HDAC9: variants seen among roughly 807,000 people sequenced by gnomAD.
HDAC9 encodes the protein MEF-2 interacting transcription repressor (MITR) protein.
Under a neutral mutation model 139.4 loss-of-function variants are expected in HDAC9, and 41 were observed. That is an observed-to-expected ratio of 0.29 (90% CI 0.23 to 0.38). The LOEUF (loss-of-function observed/expected upper bound fraction) is 0.38. Ranked by LOEUF, HDAC9 falls within the 10% of genes least tolerant of loss-of-function variation. The pLI is 1.00. For missense variants in HDAC9, 1,147 were observed against 1,297.0 expected, an observed-to-expected ratio of 0.88 and a Z score of 1.78; for synonymous variants, 517 against 476.2, an observed-to-expected ratio of 1.09 and a Z score of -1.12.
In HDAC9 at chr7:18,641,212, A is replaced by C. The variant is rs560407916; in HGVS notation, c.913-3459A>C. ...AGTCCATGTGTTTTGTATTCATTTGAATTACAAATATTATTTATGAGATGC... is the reference window on the plus strand; with the variant it reads ...AGTCCATGTGTTTTGTATTCATTTGCATTACAAATATTATTTATGAGATGC... On this transcript the variant is annotated intron_variant, in intron 8 of 25. Coordinates refer to ENST00000686413, the MANE Select transcript of HDAC9 (RefSeq NM_178425.4). Among the ~76,000 whole-genome samples the C allele has an allele frequency of 2.6e-5, 4 of 152,200 alleles. No homozygotes were observed. The South Asian group carries it at 8.3e-4, about 32-fold the overall frequency.
chr7:18,499,582 T>G (rs1431490927), intron 2 of HDAC9, among the ~76,000 whole-genome samples: 1 of 152,132 alleles, frequency 6.6e-6, no homozygotes, highest in African/African-American at 2.4e-5. Flanking sequence ...CAGGTCACTC[T>G]GCAGGAGCTG....
chr7:18,820,038 A>C (rs897327779), intron 17 of HDAC9, among the ~76,000 whole-genome samples: 27 of 152,198 alleles, frequency 1.8e-4, no homozygotes, highest in African/African-American at 6.3e-4. Flanking sequence ...AGATGCTCAT[A>C]AGTTTAAAAA....
intron 2 of HDAC9, among the ~76,000 whole-genome samples, chr7:18,189,242 A>G (rs1337139595): frequency 2.0e-5 from 3 of 152,054 alleles, no homozygotes; most frequent in Admixed American, 6.5e-5. Flanking sequence ...CTAACACAGG[A>G]ACAGAAAACC....
intron 1 of HDAC9, among the ~76,000 whole-genome samples, chr7:18,453,298 C>G (rs1444732589): frequency 1.3e-5 from 2 of 152,000 alleles, no homozygotes; most frequent in East Asian, 3.8e-4. Context: ...ATGATAAGTA[C>G]ACAAAGGTCA....
At position 18,762,180 on chromosome 7, in the gene HDAC9, C is replaced by T. The variant is rs185425313; in HGVS notation, c.2067C>T (p.Ser689=). The change falls in exon 15 of 26, where the codon AGC becomes AGT. Residue 689 remains serine (S), a synonymous_variant. Transcript: ENST00000686413. The part of the protein sequence containing the change: ...KCERIQGRKA[S]LEEIQLVHSE... The stretch of plus-strand genomic sequence containing the variant: ...AGCGAATTCAAGGTCGAAAAGCCAG[C>T]CTGGAGGAAATACAGCTTGTTCATT... 3 of 1,613,528 alleles carry T rather than the reference C, an allele frequency of 1.9e-6. No individual in the cohort carries two copies. The highest frequency in any genetic ancestry group is 3.3e-4 in the Middle Eastern group (2 of 6,056).
chr7:18,922,564 G>C (rs911726542), intron 22 of HDAC9, among the ~76,000 whole-genome samples: 3 of 151,964 alleles, frequency 2.0e-5, no homozygotes, highest in Non-Finnish European at 4.4e-5. Flanking sequence ...CTGGGATGAG[G>C]CTCACAAATC....
intron 22 of HDAC9, among the ~76,000 whole-genome samples, chr7:18,901,853 G>A (rs952932308): frequency 6.6e-6 from 1 of 152,108 alleles, no homozygotes; most frequent in Non-Finnish European, 1.5e-5. Flanking sequence ...TTAACAAGCA[G>A]CTTTCTTTTT....
intron 1 of HDAC9, among the ~76,000 whole-genome samples, chr7:18,161,972 C>G (rs1787658073): frequency 6.6e-6 from 1 of 152,096 alleles, no homozygotes; most frequent in South Asian, 2.1e-4. Context: ...ATGTGAATTG[C>G]TTTCTCCCTC....
At chr7:18,700,684 G>A (rs544753336) in intron 12 of HDAC9, among the ~76,000 whole-genome samples, 5 of 152,168 alleles carry the variant, frequency 3.3e-5, no homozygotes, top group Non-Finnish European at 7.3e-5. Context: ...ACTCTGCTAG[G>A]TCTAGGCTGG....
intron 12 of HDAC9, among the ~76,000 whole-genome samples, chr7:18,717,951 T>C (rs1784831562): frequency 6.6e-6 from 1 of 152,190 alleles, no homozygotes; most frequent in East Asian, 1.9e-4. Flanking sequence ...TTTTAAAAAG[T>C]GTTTTTAACA....
intron 2 of HDAC9, among the ~76,000 whole-genome samples, chr7:18,554,640 C>T (rs900075586): frequency 6.6e-6 from 1 of 152,136 alleles, no homozygotes; most frequent in African/African-American, 2.4e-5. Flanking sequence ...CAGCCCAGAT[C>T]ACTCTTGAAG....
intron 17 of HDAC9, among the ~76,000 whole-genome samples, chr7:18,799,291 C>A (rs958222772): frequency 6.6e-6 from 1 of 152,072 alleles, no homozygotes; most frequent in African/African-American, 2.4e-5. Flanking sequence ...AACAACAAAT[C>A]CTGGAAAGAG....
chr7:18,496,069 C>G (rs1796855878), intron 1 of HDAC9, 46 bp downstream of exon 1: 6 of 1,418,094 alleles, frequency 4.2e-6, no homozygotes, highest in African/African-American at 1.4e-5. Flanking sequence ...AAAGTGGATG[C>G]CCATTTGAGC....
intron 2 of HDAC9, among the ~76,000 whole-genome samples, chr7:18,272,237 A>G (rs934602506): frequency 5.9e-5 from 9 of 152,206 alleles, no homozygotes; most frequent in African/African-American, 2.2e-4. Context: ...CCAGTTGTGC[A>G]TAGGTGCTTT....
intron 12 of HDAC9, among the ~76,000 whole-genome samples, chr7:18,705,953 C>T (rs189051940): frequency 6.6e-6 from 1 of 151,654 alleles, no homozygotes; most frequent in Non-Finnish European, 1.5e-5. Context: ...TATTCAGGAC[C>T]TAAATTAATC....
intron 14 of HDAC9, among the ~76,000 whole-genome samples, chr7:18,750,614 A>G (rs1197947835): frequency 6.6e-6 from 1 of 152,050 alleles, no homozygotes; most frequent in Non-Finnish European, 1.5e-5. Flanking sequence ...TTCATATTGT[A>G]TGGCAGAAGG....
chr7:18,960,557 TAACTCA>T, intron 24 of HDAC9, among the ~76,000 whole-genome samples: 1 of 152,122 alleles, frequency 6.6e-6, no homozygotes, highest in South Asian at 2.1e-4. Flanking sequence ...CAATGGGAGA[TAACTCA>T]TAGGTAAAAT....
At chr7:18,904,584 T>C (rs1275177945) in intron 22 of HDAC9, among the ~76,000 whole-genome samples, 2 of 142,634 alleles carry the variant, frequency 1.4e-5, no homozygotes, top group African/African-American at 2.6e-5. Flanking sequence ...TTTTTTTTTT[T>C]TTTTTTTTTT....
chr7:18,895,760 G>A (rs910434085), intron 22 of HDAC9, among the ~76,000 whole-genome samples: 1 of 152,060 alleles, frequency 6.6e-6, no homozygotes, highest in Non-Finnish European at 1.5e-5. Context: ...CTCTTGTAAG[G>A]TTAGACAGTT....
Sources: allele counts gnomAD v4.1 joint callset (sites outside exome capture counted in the v4.1 genomes callset), GRCh38; gene constraint gnomAD v4.1.1; transcripts MANE v1.5; gene names NCBI Gene and HGNC (gene_info 2026-07-23, HGNC 2026-07-21).